Variants in PTPRD observed in about 807,000 individuals in gnomAD.
PTPRD encodes protein tyrosine phosphatase receptor type D.
PTPRD carries 34 observed loss-of-function variants against 214.5 expected under a neutral mutation model. The observed-to-expected ratio is 0.16, with a 90% CI of 0.12 to 0.21. The LOEUF (loss-of-function observed/expected upper bound fraction) is 0.21, where lower values mean the gene tolerates loss of function less well. Among genes scored for constraint, PTPRD ranks in the 10% least tolerant of loss-of-function variants. The pLI, the probability that PTPRD is intolerant of heterozygous loss-of-function variation, is 1.00. For missense variants in PTPRD, 2,545 were observed against 2,398.7 expected, an observed-to-expected ratio of 1.06 and a Z score of -1.27; for synonymous variants, 1,128 against 845.7, an observed-to-expected ratio of 1.33 and a Z score of -5.79.
At chr9:8,629,673 T>C (rs1471465935) in intron 14 of PTPRD, among the ~76,000 whole-genome samples, 11 of 151,786 alleles carry the variant, frequency 7.2e-5, no homozygotes, top group African/African-American at 2.2e-4. Context: ...AAAACAGATA[T>C]ACTCAGCCTC....
chr9:9,354,526 T>G (rs1418692582), intron 9 of PTPRD, among the ~76,000 whole-genome samples: 8 of 151,834 alleles, frequency 5.3e-5, no homozygotes, highest in Non-Finnish European at 1.0e-4. Flanking sequence ...ACCTACATTT[T>G]TTTTTGTGGT....
intron 2 of PTPRD, among the ~76,000 whole-genome samples, chr9:10,355,866 C>T (rs1300398984): frequency 2.0e-5 from 3 of 151,896 alleles, no homozygotes; most frequent in East Asian, 1.9e-4. Context: ...AACTAGTATG[C>T]GAATTTGAGA....
chr9:10,108,487 G>T (rs141054609), intron 3 of PTPRD, among the ~76,000 whole-genome samples: 8 of 151,366 alleles, frequency 5.3e-5, no homozygotes, highest in Admixed American at 5.3e-4. Flanking sequence ...CCCCATCCCA[G>T]CTTCTGGTAC....
intron 6 of PTPRD, among the ~76,000 whole-genome samples, chr9:9,764,962 C>A (rs192528799): frequency 1.4e-3 from 211 of 152,250 alleles, no homozygotes; most frequent in Non-Finnish European, 2.6e-3. Flanking sequence ...CCATGGGAAA[C>A]TGAGATTATT....
intron 8 of PTPRD, among the ~76,000 whole-genome samples, chr9:9,494,135 T>G (rs1199928306): frequency 6.6e-6 from 1 of 152,150 alleles, no homozygotes; most frequent in Non-Finnish European, 1.5e-5. Context: ...AACCTCATGA[T>G]AAAACTTGAA....
chr9:8,800,486 C>T (rs2096549431), intron 11 of PTPRD, among the ~76,000 whole-genome samples: 1 of 152,164 alleles, frequency 6.6e-6, no homozygotes, highest in Non-Finnish European at 1.5e-5. Context: ...CGAAATCCCA[C>T]CAAAACCAAG....
intron 3 of PTPRD, among the ~76,000 whole-genome samples, chr9:10,113,614 C>T (rs2098708424): frequency 6.6e-6 from 1 of 152,144 alleles, no homozygotes; most frequent in Non-Finnish European, 1.5e-5. Context: ...GAAACAATCT[C>T]CAGCGAGAGA....
intron 10 of PTPRD, among the ~76,000 whole-genome samples, chr9:9,091,603 A>T (rs950931030): frequency 6.6e-6 from 1 of 152,208 alleles, no homozygotes; most frequent in Non-Finnish European, 1.5e-5. Flanking sequence ...ACAGTGCCTA[A>T]CACACTCAGT....
At chr9:8,400,740 A>C (rs564218622) in intron 36 of PTPRD, among the ~76,000 whole-genome samples, 1 of 152,230 alleles carries the variant, frequency 6.6e-6, no homozygotes, top group East Asian at 1.9e-4. Flanking sequence ...TGACTGTGTG[A>C]CTCTGGGCCA....
At chr9:10,088,836 T>C (rs1261288789) in intron 3 of PTPRD, among the ~76,000 whole-genome samples, 1 of 151,706 alleles carries the variant, frequency 6.6e-6, no homozygotes, top group Non-Finnish European at 1.5e-5. Flanking sequence ...ATGGATATCG[T>C]ATTTCTTTGT....
intron 11 of PTPRD, among the ~76,000 whole-genome samples, chr9:8,859,497 G>A (rs541086701): frequency 1.1e-4 from 16 of 152,170 alleles, no homozygotes; most frequent in Non-Finnish European, 2.1e-4. Flanking sequence ...AGTAAAGCTA[G>A]AGCTCACCAG....
intron 5 of PTPRD, among the ~76,000 whole-genome samples, chr9:9,856,427 C>G (rs956265888): frequency 2.0e-5 from 3 of 152,130 alleles, no homozygotes; most frequent in African/African-American, 7.2e-5. Context: ...TAGAATTTCT[C>G]TTCCTCCTGT....
At chr9:10,471,323 A>T (rs996925096) in intron 2 of PTPRD, among the ~76,000 whole-genome samples, 1 of 152,128 alleles carries the variant, frequency 6.6e-6, no homozygotes. Context: ...AAATTATAAA[A>T]TGTCAATCTC....
chr9:9,137,865 A>C (rs1341267357), intron 10 of PTPRD, among the ~76,000 whole-genome samples: 4 of 152,158 alleles, frequency 2.6e-5, no homozygotes, highest in Non-Finnish European at 4.4e-5. Context: ...GACCCAATTC[A>C]GGTCTAAATA....
intron 3 of PTPRD, among the ~76,000 whole-genome samples, chr9:10,144,519 C>T (rs1387390962): frequency 6.6e-6 from 1 of 152,000 alleles, no homozygotes. Context: ...AAAAATAGAC[C>T]TCAGTCCACT....
intron 8 of PTPRD, among the ~76,000 whole-genome samples, chr9:9,409,432 G>A (rs1026355729): frequency 6.6e-6 from 1 of 151,832 alleles, no homozygotes; most frequent in Non-Finnish European, 1.5e-5. Flanking sequence ...AACCTGACAT[G>A]GAAATCATTT....
At chr9:9,646,277 ATTG>A (rs2096162160) in intron 7 of PTPRD, among the ~76,000 whole-genome samples, 1 of 149,616 alleles carries the variant, frequency 6.7e-6, no homozygotes, top group African/African-American at 2.5e-5. Context: ...AGTCTATAGA[ATTG>A]TAGGGTGACC....
intron 14 of PTPRD, among the ~76,000 whole-genome samples, chr9:8,583,644 T>G (rs916801490): frequency 6.6e-6 from 1 of 152,188 alleles, no homozygotes; most frequent in Non-Finnish European, 1.5e-5. Context: ...CACATGTAGG[T>G]GTAAAACCTT....
intron 10 of PTPRD, among the ~76,000 whole-genome samples, chr9:9,094,376 G>A (rs1336093851): frequency 1.3e-5 from 2 of 152,148 alleles, no homozygotes; most frequent in Non-Finnish European, 2.9e-5. Context: ...GCAGCAGCTT[G>A]GATGGAGCTG....
Sources: allele counts gnomAD v4.1 joint callset (sites outside exome capture counted in the v4.1 genomes callset), GRCh38; gene constraint gnomAD v4.1.1; transcripts MANE v1.5; gene names NCBI Gene and HGNC (gene_info 2026-07-23, HGNC 2026-07-21).